Variants in CYP7B1 observed in about 807,000 individuals in gnomAD.
CYP7B1 encodes cytochrome P450 7B1.
CYP7B1 carries 29 observed loss-of-function variants against 42.7 expected under a neutral mutation model. That is an observed-to-expected ratio of 0.68 (90% CI 0.51 to 0.93). The LOEUF is 0.93. CYP7B1 is among the 40% of genes least tolerant of loss of function. CYP7B1 has a pLI of 0.00. For synonymous variants in CYP7B1, 235 were observed against 218.2 expected, an observed-to-expected ratio of 1.08 and a Z score of -0.68; for missense variants, 655 against 600.5, an observed-to-expected ratio of 1.09 and a Z score of -0.95.
At chr8:64,589,254 G>T (rs1279869864), downstream of CYP7B1, among the ~76,000 whole-genome samples, 1 of 152,194 alleles carries the variant, frequency 6.6e-6, no homozygotes, top group Non-Finnish European at 1.5e-5. Flanking sequence ...TCTTGAACTG[G>T]TTAAGTTCTA....
intron 1 of CYP7B1, among the ~76,000 whole-genome samples, chr8:64,667,298 A>G (rs1806295660): frequency 6.6e-6 from 1 of 150,984 alleles, no homozygotes; most frequent in South Asian, 2.1e-4. Context: ...TGGCAGAATG[A>G]CACATTCCCT....
intron 1 of CYP7B1, among the ~76,000 whole-genome samples, chr8:64,773,521 C>A (rs2129649150): frequency 6.6e-6 from 1 of 152,160 alleles, no homozygotes; most frequent in East Asian, 1.9e-4. Flanking sequence ...AACAGGGTAT[C>A]CCATAGACAC....
chr8:64,622,662 C>T (rs530730285), intron 2 of CYP7B1, among the ~76,000 whole-genome samples: 1 of 152,064 alleles, frequency 6.6e-6, no homozygotes, highest in East Asian at 1.9e-4. Flanking sequence ...GAACCTTAAG[C>T]ATGGTTATAA....
chr8:64,763,974 C>T (rs939941852), intron 1 of CYP7B1, among the ~76,000 whole-genome samples: 2 of 152,180 alleles, frequency 1.3e-5, no homozygotes, highest in Non-Finnish European at 2.9e-5. Context: ...CTTTCATTTC[C>T]TCTAGCAAGT....
intron 1 of CYP7B1, among the ~76,000 whole-genome samples, chr8:64,720,419 G>C (rs1807219504): frequency 6.6e-6 from 1 of 152,100 alleles, no homozygotes; most frequent in Admixed American, 6.6e-5. Flanking sequence ...CTATAAAAGA[G>C]TAATATAACT....
intron 3 of CYP7B1, 59 bp downstream of exon 3, chr8:64,615,632 T>A: frequency 6.5e-7 from 1 of 1,527,366 alleles, no homozygotes; most frequent in Non-Finnish European, 9.0e-7. Context: ...GTCTTTTTAT[T>A]TCAGAGGTCT....
intron 1 of CYP7B1, among the ~76,000 whole-genome samples, chr8:64,709,497 A>G (rs1430189874): frequency 1.3e-5 from 2 of 152,254 alleles, no homozygotes; most frequent in East Asian, 3.8e-4. Flanking sequence ...TTCATTACTA[A>G]GAACATATGT....
At chr8:64,712,190 A>G (rs780161165) in intron 1 of CYP7B1, among the ~76,000 whole-genome samples, 1 of 152,030 alleles carries the variant, frequency 6.6e-6, no homozygotes, top group African/African-American at 2.4e-5. Context: ...TGAAAATCAT[A>G]CTCTAAAATC....
At chr8:64,748,073 G>C (rs1308064811) in intron 1 of CYP7B1, among the ~76,000 whole-genome samples, 1 of 152,154 alleles carries the variant, frequency 6.6e-6, no homozygotes, top group Non-Finnish European at 1.5e-5. Flanking sequence ...TTTTGAGCTT[G>C]CCAGCCATGG....
At chr8:64,680,567 C>CAA (rs36027601) in intron 1 of CYP7B1, among the ~76,000 whole-genome samples, 12,298 of 149,670 alleles carry the variant, frequency 0.082, 753 homozygotes, top group South Asian at 0.16. Context: ...TAAGAATTCA[C>CAA]AAAAAAAAAC....
At position 64,740,375 on chromosome 8, in the gene CYP7B1, T is replaced by A. The variant is rs1211244257; in HGVS notation, c.122+58091A>T. Among the ~76,000 whole-genome samples the A allele has an allele frequency of 2.0e-5, 3 of 151,950 alleles. No homozygotes were observed. In the East Asian group the frequency reaches 5.8e-4, roughly 29 times the overall value. On this transcript the variant is annotated intron_variant, in intron 1 of 5. Coordinates refer to ENST00000310193, the MANE Select transcript of CYP7B1 (RefSeq NM_004820.5). ...TATATATATTTACATATTATGTTTA[T>A]GATATAACTGCATAAATTATAAAAG... is the stretch of plus-strand genomic sequence containing the variant.
intron 1 of CYP7B1, among the ~76,000 whole-genome samples, chr8:64,787,781 C>A (rs953011763): frequency 6.6e-6 from 1 of 152,166 alleles, no homozygotes; most frequent in African/African-American, 2.4e-5. Context: ...TTAAGACATA[C>A]CCAAGACTGG....
intron 1 of CYP7B1, among the ~76,000 whole-genome samples, chr8:64,646,357 AAAAC>A (rs562157707): frequency 5.1e-4 from 77 of 152,290 alleles, no homozygotes; most frequent in Non-Finnish European, 9.0e-4. Context: ...TTACAAGAAA[AAAAC>A]AAACAACCCC....
intron 1 of CYP7B1, among the ~76,000 whole-genome samples, chr8:64,690,648 G>GTA (rs1452479769): frequency 1.3e-5 from 2 of 152,080 alleles, no homozygotes; most frequent in South Asian, 2.1e-4. Flanking sequence ...ATTTTCAGTA[G>GTA]TATATATATG....
At chr8:64,674,408 T>C (rs1226741174) in intron 1 of CYP7B1, among the ~76,000 whole-genome samples, 3 of 152,140 alleles carry the variant, frequency 2.0e-5, no homozygotes, top group African/African-American at 7.2e-5. Flanking sequence ...AATGCCACCA[T>C]ACCCTTGACC....
intron 1 of CYP7B1, among the ~76,000 whole-genome samples, chr8:64,745,438 T>C (rs1180125087): frequency 1.3e-5 from 2 of 152,158 alleles, no homozygotes; most frequent in African/African-American, 4.8e-5. Context: ...GCTAATGACT[T>C]TTTGTGCTAT....
At chr8:64,773,027 G>T (rs1804261926) in intron 1 of CYP7B1, among the ~76,000 whole-genome samples, 1 of 152,094 alleles carries the variant, frequency 6.6e-6, no homozygotes, top group Non-Finnish European at 1.5e-5. Flanking sequence ...TACCACCAGT[G>T]CCACTTCCAG....
At chr8:64,602,912 T>C (rs867981329) in intron 5 of CYP7B1, among the ~76,000 whole-genome samples, 4 of 152,220 alleles carry the variant, frequency 2.6e-5, no homozygotes, top group Admixed American at 6.5e-5. Flanking sequence ...TCCCAAATTC[T>C]ATAAAACTGG....
chr8:64,597,684 G>A (rs1805138966), intron 5 of CYP7B1, among the ~76,000 whole-genome samples: 1 of 152,126 alleles, frequency 6.6e-6, no homozygotes, highest in South Asian at 2.1e-4. Flanking sequence ...TGTTGGGCCT[G>A]CCATCTTAAT....
Sources: gnomAD v4.1 joint callset for allele counts (sites outside exome capture counted in the v4.1 genomes callset) on GRCh38, gnomAD v4.1.1 for gene constraint, MANE v1.5 for transcripts, NCBI Gene and HGNC (gene_info 2026-07-23, HGNC 2026-07-21) for gene names.